Variants in SMIM8 observed in about 807,000 individuals in gnomAD.
SMIM8 encodes small integral membrane protein 8.
Under a neutral mutation model 8.1 loss-of-function variants are expected in SMIM8, and 8 were observed. The observed-to-expected ratio is 0.99, with a 90% CI of 0.58 to 1.78. SMIM8 has a LOEUF of 1.78. SMIM8 is among the 40% of genes most tolerant of loss of function. The pLI, the probability that SMIM8 is intolerant of heterozygous loss-of-function variation, is 0.00. For missense variants in SMIM8, 126 were observed against 119.8 expected (o/e 1.05, Z -0.24); for synonymous variants, 45 against 39.7 (o/e 1.13, Z -0.50).
intron 3 of SMIM8, among the ~76,000 whole-genome samples, 186 bp from the exon 4 acceptor site, chr6:87,339,930 C>G (rs1777186078): frequency 1.3e-5 from 2 of 152,100 alleles, no homozygotes; most frequent in Admixed American, 6.6e-5. Flanking sequence ...TCTATAATCT[C>G]TAGATAATCA....
chr6:87,339,838 A>G (rs1777183188), intron 3 of SMIM8, among the ~76,000 whole-genome samples: 1 of 152,162 alleles, frequency 6.6e-6, no homozygotes, highest in Admixed American at 6.6e-5. Context: ...CTCCTTTCCC[A>G]GCTGTCACCT....
At chr6:87,334,116 C>T (rs1777052585) in intron 2 of SMIM8, among the ~76,000 whole-genome samples, 2 of 152,186 alleles carry the variant, frequency 1.3e-5, no homozygotes, top group Non-Finnish European at 2.9e-5. Flanking sequence ...AGAACTCGCT[C>T]ATTACTACAA....
chr6:87,337,526 A>G (rs1777138999), intron 3 of SMIM8, among the ~76,000 whole-genome samples: 1 of 152,244 alleles, frequency 6.6e-6, no homozygotes, highest in African/African-American at 2.4e-5. Flanking sequence ...AAGGAAACCA[A>G]AATGAAAATC....
Position 87,340,360 on chromosome 6 carries a change from C to T in SMIM8, c.*86C>T. ...CTTGTGAGTGTACAGTATCATGTTTCTTGTTCTAGAACATGCTAATGAAGA... is the reference window on the plus strand; with the variant it reads ...CTTGTGAGTGTACAGTATCATGTTTTTTGTTCTAGAACATGCTAATGAAGA... On this transcript the variant is annotated 3_prime_UTR_variant, in exon 4 of 4. Transcript: ENST00000392863. 1 of 1,288,504 alleles carries T rather than the reference C, an allele frequency of 7.8e-7. No homozygotes were observed. The highest frequency in any genetic ancestry group is 1.0e-6 in the Non-Finnish European group (1 of 990,208). The allele number at this position is 1,288,504 out of a possible 1,614,324, so 79.8% of individuals were successfully genotyped here.
At chr6:87,323,190 C>A (rs1340232709) in intron 1 of SMIM8, 5 of 152,256 alleles carry the variant, frequency 3.3e-5, no homozygotes, top group Non-Finnish European at 5.9e-5. Context: ...AGTACTCAGG[C>A]TGTCGCCAGC....
chr6:87,330,675 G>T lies in SMIM8; in HGVS notation c.-44-17G>T, dbSNP rs1028454517. On this transcript the variant is annotated splice_polypyrimidine_tract_variant and intron_variant, in intron 1 of 3. Coordinates refer to ENST00000392863, the MANE Select transcript of SMIM8 (RefSeq NM_001042493.3). ...ATCTTTGCTTCTTCCTTTTTCCATT[G>T]CACGCTTCCGTCACAGGAGGATGGA... 1 of 151,920 alleles carries T rather than the reference G, an allele frequency of 6.6e-6. No individual in the cohort carries two copies. The highest frequency in any genetic ancestry group is 1.5e-5 in the Non-Finnish European group (1 of 67,994). The allele number at this position is 151,920 out of a possible 1,614,324, so 9.4% of individuals were successfully genotyped here. A position where few individuals can be genotyped will look rare whatever the true frequency, so the allele number is the denominator to read the frequency against.
At chr6:87,339,966 C>G in intron 3 of SMIM8, 150 bp from the exon 4 acceptor site, 2 of 561,292 alleles carry the variant, frequency 3.6e-6, no homozygotes, top group Non-Finnish European at 5.9e-6. Context: ...GAATAAAGAA[C>G]TGAATAAATG....
rs1425176328 is a variant in SMIM8 at position 87,340,588 on chromosome 6, A to G, written c.*314A>G. ...AAAGTACCCATGCTGTTAAATTTGC[A>G]TGATGTTTTAAATATTTTAAGATGA... is the stretch of plus-strand genomic sequence containing the variant. On this transcript the variant is annotated 3_prime_UTR_variant, in exon 4 of 4. Coordinates refer to ENST00000392863, the MANE Select transcript of SMIM8 (RefSeq NM_001042493.3). 5 of 175,898 alleles carry G rather than the reference A, an allele frequency of 2.8e-5. No individual in the cohort carries two copies. Among genetic ancestry groups the G allele is most frequent in the Non-Finnish European group, 4.8e-5 (4 of 84,202 alleles). The allele number at this position is 175,898 out of a possible 1,614,324, so 10.9% of individuals were successfully genotyped here.
chr6:87,336,140 A>G (rs1305725155), intron 2 of SMIM8, among the ~76,000 whole-genome samples: 2 of 152,184 alleles, frequency 1.3e-5, no homozygotes, highest in African/African-American at 2.4e-5. Context: ...CATTTCCCCC[A>G]AATAATTTTA....
chr6:87,327,126 G>C (rs527629391), intron 1 of SMIM8, among the ~76,000 whole-genome samples: 4 of 151,490 alleles, frequency 2.6e-5, no homozygotes, highest in Non-Finnish European at 2.9e-5. Context: ...CTTGGTAGAT[G>C]TTCCTCCATC....
At chr6:87,336,739 C>A (rs1248859284) in intron 2 of SMIM8, among the ~76,000 whole-genome samples, 1 of 152,110 alleles carries the variant, frequency 6.6e-6, no homozygotes, top group Admixed American at 6.5e-5. Flanking sequence ...GAGCAACAAA[C>A]AATTCTCCAG....
At chr6:87,339,474 A>G (rs1777177757) in intron 3 of SMIM8, among the ~76,000 whole-genome samples, 1 of 150,116 alleles carries the variant, frequency 6.7e-6, no homozygotes, top group African/African-American at 2.5e-5. Flanking sequence ...TTTAACCTGA[A>G]AGCATCACTT....
chr6:87,339,002 A>C (rs1406422872), intron 3 of SMIM8, among the ~76,000 whole-genome samples: 1 of 146,212 alleles, frequency 6.8e-6, no homozygotes, highest in Non-Finnish European at 1.5e-5. Flanking sequence ...TGAGGCCAGG[A>C]GTTCAACATA....
intron 1 of SMIM8, among the ~76,000 whole-genome samples, chr6:87,325,003 T>G: frequency 6.6e-6 from 1 of 152,020 alleles, no homozygotes; most frequent in African/African-American, 2.4e-5. Flanking sequence ...GTAAGTTGGA[T>G]TCCTAGGTAT....
At chr6:87,330,299 A>G (rs921668559) in intron 1 of SMIM8, among the ~76,000 whole-genome samples, 2 of 152,184 alleles carry the variant, frequency 1.3e-5, no homozygotes. Context: ...CCTGCTCGTT[A>G]ACATTTTATG....
chr6:87,327,787 T>G (rs1776866056), intron 1 of SMIM8, among the ~76,000 whole-genome samples: 1 of 148,110 alleles, frequency 6.8e-6, no homozygotes, highest in Admixed American at 6.7e-5. Flanking sequence ...ATTTCCTGAA[T>G]CTGAATGTTG....
intron 1 of SMIM8, among the ~76,000 whole-genome samples, chr6:87,323,645 G>A (rs1312563415): frequency 6.6e-6 from 1 of 152,028 alleles, no homozygotes; most frequent in African/African-American, 2.4e-5. Flanking sequence ...TGGTGTATAT[G>A]TGCCACATTT....
intron 1 of SMIM8, among the ~76,000 whole-genome samples, chr6:87,327,168 C>T (rs1383775866): frequency 7.3e-5 from 11 of 150,150 alleles, no homozygotes; most frequent in South Asian, 4.2e-4. Flanking sequence ...TGTCTCTGCA[C>T]GTGAGATGGG....
intron 2 of SMIM8, among the ~76,000 whole-genome samples, chr6:87,334,729 T>G (rs56010354): frequency 0.073 from 11,128 of 152,294 alleles, 879 homozygotes; most frequent in African/African-American, 0.2. Flanking sequence ...GTAATGCATT[T>G]TGGAACAATT....
Sources: gnomAD v4.1 joint callset for allele counts (sites outside exome capture counted in the v4.1 genomes callset) on GRCh38, gnomAD v4.1.1 for gene constraint, MANE v1.5 for transcripts, NCBI Gene and HGNC (gene_info 2026-07-23, HGNC 2026-07-21) for gene names.